FMN2: variants seen among roughly 807,000 people sequenced by gnomAD.
FMN2 encodes the protein formin-2.
In FMN2, 51 loss-of-function variants were observed where a neutral mutation model predicts 142.3. The observed-to-expected ratio is 0.36, with a 90% CI of 0.29 to 0.45. The LOEUF (loss-of-function observed/expected upper bound fraction) is 0.45. Among genes scored for constraint, FMN2 ranks in the 20% least tolerant of loss-of-function variants. The probability of loss-of-function intolerance (pLI) is 1.00; values close to 1 mark genes in which losing one functional copy is unlikely to be tolerated. For synonymous variants in FMN2, 882 were observed against 869.8 expected (o/e 1.01, Z -0.25); for missense variants, 1,936 against 2,122.8 (o/e 0.91, Z 1.73).
intron 15 of FMN2, among the ~76,000 whole-genome samples, chr1:240,404,188 G>A (rs1674077526): frequency 1.3e-5 from 2 of 152,102 alleles, no homozygotes; most frequent in South Asian, 4.2e-4. Context: ...ATATTTAATC[G>A]GTTCTGAACT....
At chr1:240,369,787 C>G (rs1672804055) in intron 14 of FMN2, among the ~76,000 whole-genome samples, 2 of 152,106 alleles carry the variant, frequency 1.3e-5, no homozygotes, top group Non-Finnish European at 2.9e-5. Flanking sequence ...TTCTGTTTCT[C>G]CATATGTTTG....
intron 14 of FMN2, among the ~76,000 whole-genome samples, chr1:240,371,618 G>A (rs1035788949): frequency 3.3e-5 from 5 of 152,150 alleles, no homozygotes; most frequent in African/African-American, 9.7e-5. Context: ...CCAACGTGTT[G>A]ATTCAGAAGT....
chr1:240,154,232 A>G (rs570296479), intron 2 of FMN2, among the ~76,000 whole-genome samples: 2 of 152,188 alleles, frequency 1.3e-5, no homozygotes, highest in East Asian at 3.9e-4. Flanking sequence ...CAGACAATGC[A>G]TCAAAGAGAA....
intron 7 of FMN2, among the ~76,000 whole-genome samples, chr1:240,265,650 A>G (rs1299150434): frequency 6.6e-6 from 1 of 152,148 alleles, no homozygotes; most frequent in Non-Finnish European, 1.5e-5. Flanking sequence ...ATGGCAGCCC[A>G]AGCTGTCCAA....
At chr1:240,199,137 A>G (rs1453777632) in intron 4 of FMN2, among the ~76,000 whole-genome samples, 1 of 152,196 alleles carries the variant, frequency 6.6e-6, no homozygotes, top group Non-Finnish European at 1.5e-5. Flanking sequence ...AATATGACAA[A>G]TAGAGAATTT....
At chr1:240,163,752 A>G (rs1158754769) in intron 2 of FMN2, among the ~76,000 whole-genome samples, 1 of 151,960 alleles carries the variant, frequency 6.6e-6, no homozygotes, top group Non-Finnish European at 1.5e-5. Context: ...TATTTGTCTT[A>G]TCTGTTCTAT....
intron 15 of FMN2, among the ~76,000 whole-genome samples, chr1:240,436,899 G>A (rs1420421203): frequency 1.3e-5 from 2 of 152,134 alleles, no homozygotes; most frequent in Non-Finnish European, 2.9e-5. Flanking sequence ...TTGTGGAGCA[G>A]AAATAGTGCT....
intron 8 of FMN2, among the ~76,000 whole-genome samples, chr1:240,299,743 A>G (rs1670128867): frequency 6.6e-6 from 1 of 152,060 alleles, no homozygotes. Flanking sequence ...TGTCCGCTGG[A>G]CTGAAAAGAA....
At chr1:240,279,077 T>C (rs1669311640) in intron 7 of FMN2, among the ~76,000 whole-genome samples, 1 of 152,166 alleles carries the variant, frequency 6.6e-6, no homozygotes, top group African/African-American at 2.4e-5. Flanking sequence ...ACTAGTGTTA[T>C]ATGATGGACA....
chr1:240,175,949 G>A (rs1558338349), intron 2 of FMN2, among the ~76,000 whole-genome samples: 1 of 152,090 alleles, frequency 6.6e-6, no homozygotes, highest in Non-Finnish European at 1.5e-5. Context: ...TATTCAGGAT[G>A]TTAAATCCTT....
rs1558452552 is a variant in FMN2 at position 240,361,151 on chromosome 1, A to ATGTG, written c.4858+5244_4858+5245insGTGT. 6.8e-4 allele frequency among the ~76,000 whole-genome samples: 16 copies of ATGTG among 23,586 alleles called. No homozygotes were observed. The East Asian group carries it at 0.022, about 32-fold the overall frequency. The allele number at this position is 23,586 out of a possible 152,430, so 15.5% of individuals were successfully genotyped here. Reference sequence around the variant, plus strand: ...TAAATAAATATATGTGTATATATATATATATATATATATATATATATATAT... The same window carrying ATGTG: ...TAAATAAATATATGTGTATATATATATGTGTATATATATATATATATATATATAT... On this transcript the variant is annotated intron_variant, in intron 14 of 17. Coordinates refer to ENST00000319653, the MANE Select transcript of FMN2 (RefSeq NM_020066.5).
At chr1:240,421,429 T>A (rs1674759369) in intron 15 of FMN2, among the ~76,000 whole-genome samples, 1 of 152,224 alleles carries the variant, frequency 6.6e-6, no homozygotes, top group East Asian at 1.9e-4. Context: ...CTACAAATTG[T>A]TGACCAATAA....
rs545930937 is a variant in FMN2 at position 240,103,723 on chromosome 1, T to G, written c.1615+9999T>G. Among the ~76,000 whole-genome samples the G allele has an allele frequency of 2.0e-5, 3 of 152,282 alleles. No individual in the cohort carries two copies. The South Asian group carries it at 6.2e-4, about 32-fold the overall frequency. On this transcript the variant is annotated intron_variant, in intron 1 of 17. Transcript: ENST00000319653. ...TTCTTTTGTCCACAACCTGCGTTTC[T>G]CCACTCCATTCTGCATGAAGCAAGA...
intron 2 of FMN2, chr1:240,143,358 G>A: frequency 6.8e-7 from 1 of 1,470,730 alleles, no homozygotes; most frequent in Non-Finnish European, 9.5e-7. Flanking sequence ...TCAGCAAGTG[G>A]CCAAAGGTTC....
At chr1:240,406,988 C>T (rs542812530) in intron 15 of FMN2, among the ~76,000 whole-genome samples, 1 of 152,092 alleles carries the variant, frequency 6.6e-6, no homozygotes, top group Non-Finnish European at 1.5e-5. Flanking sequence ...AAACGTTCGT[C>T]GTCTCATTTT....
At chr1:240,437,479 A>G (rs56023836) in intron 15 of FMN2, among the ~76,000 whole-genome samples, 5 of 151,118 alleles carry the variant, frequency 3.3e-5, no homozygotes, top group African/African-American at 7.3e-5. Flanking sequence ...TTTCTTTGTA[A>G]TTTTAGTAGA....
intron 8 of FMN2, among the ~76,000 whole-genome samples, chr1:240,315,937 C>A (rs12124447): frequency 6.6e-6 from 1 of 151,974 alleles, no homozygotes; most frequent in Non-Finnish European, 1.5e-5. Context: ...GGGAAGTCCC[C>A]AGTCCAACAC....
At chr1:240,202,170 C>T (rs73112901) in intron 4 of FMN2, among the ~76,000 whole-genome samples, 3,237 of 152,100 alleles carry the variant, frequency 0.021, 127 homozygotes, top group African/African-American at 0.073. Flanking sequence ...TTTCTGTAAA[C>T]GGGAAGGGGA....
At chr1:240,117,665 A>G (rs1230543953) in intron 1 of FMN2, among the ~76,000 whole-genome samples, 14 of 152,236 alleles carry the variant, frequency 9.2e-5, no homozygotes, top group Non-Finnish European at 2.1e-4. Context: ...AAGGGGTTCT[A>G]GAGTAAGAGC....
Sources: gnomAD v4.1 joint callset for allele counts (sites outside exome capture counted in the v4.1 genomes callset) on GRCh38, gnomAD v4.1.1 for gene constraint, MANE v1.5 for transcripts, NCBI Gene and HGNC (gene_info 2026-07-23, HGNC 2026-07-21) for gene names.